Variants in CTNNA1 observed in about 807,000 individuals in gnomAD.
CTNNA1 encodes catenin alpha-1.
In CTNNA1, 37 loss-of-function variants were observed where a neutral mutation model predicts 98.4. That is an observed-to-expected ratio of 0.38 (90% confidence interval 0.29 to 0.49). The LOEUF (loss-of-function observed/expected upper bound fraction) is 0.49. Ranked by LOEUF, CTNNA1 falls within the 20% of genes least tolerant of loss-of-function variation. The probability of loss-of-function intolerance (pLI) is 0.95; values close to 1 mark genes in which losing one functional copy is unlikely to be tolerated. For synonymous variants in CTNNA1, 404 were observed against 413.2 expected (o/e 0.98, Z 0.27); for missense variants, 761 against 1,147.2 (o/e 0.66, Z 4.86).
chr5:138,925,520 GAATCTA>G, intron 13 of CTNNA1, 113 bp downstream of exon 13: 1 of 1,384,238 alleles, frequency 7.2e-7, no homozygotes, highest in Non-Finnish European at 9.7e-7. Flanking sequence ...TTAAAACCAT[GAATCTA>G]AAAGCTGTTA....
Position 138,929,160 on chromosome 5 carries a change from C to G in CTNNA1, c.1900-86C>G, listed in dbSNP as rs189300624. 17 of 794,254 alleles carry G rather than the reference C, an allele frequency of 2.1e-5. No individual in the cohort carries two copies. In the African/African-American group the frequency reaches 2.7e-4, roughly 13 times the overall value. The allele number at this position is 794,254 out of a possible 1,614,324, so 49.2% of individuals were successfully genotyped here. On this transcript the variant is annotated intron_variant, in intron 13 of 17. Transcript: ENST00000302763. ...CATTAAAATCCAGAATTCTGGGCCTCCGTGCACCTGGCCAAGAGGCTCAGG... is the reference window on the plus strand; with the variant it reads ...CATTAAAATCCAGAATTCTGGGCCTGCGTGCACCTGGCCAAGAGGCTCAGG...
At chr5:138,916,764 TTTA>T (rs779455353) in intron 10 of CTNNA1, among the ~76,000 whole-genome samples, 18 of 144,714 alleles carry the variant, frequency 1.2e-4, no homozygotes, top group Non-Finnish European at 2.1e-4. Context: ...TTTATTTTTA[TTTA>T]TTATTTTATT....
At chr5:138,908,549 C>T (rs1338220820) in intron 10 of CTNNA1, among the ~76,000 whole-genome samples, 1 of 150,942 alleles carries the variant, frequency 6.6e-6, no homozygotes, top group Non-Finnish European at 1.5e-5. Flanking sequence ...CTTGTAGTCC[C>T]AGCTACTCAG....
At position 138,852,081 on chromosome 5, in the gene CTNNA1, A is replaced by AAAAT. The variant is rs1271197373; in HGVS notation, c.1062+24381_1062+24384dup. The stretch of plus-strand genomic sequence containing the variant: ...GCGAAGCTCCATCTCAAAAAAATAA[A>AAAAT]AAATAAATAAATAAATAAATATATA... On this transcript the variant is annotated intron_variant, in intron 7 of 17. Coordinates refer to ENST00000302763, the MANE Select transcript of CTNNA1 (RefSeq NM_001903.5). Among the ~76,000 whole-genome samples the AAAAT allele has an allele frequency of 9.0e-4, 137 of 152,286 alleles. 2 individuals are homozygous for AAAAT. Among genetic ancestry groups the AAAAT allele is most frequent in the African/African-American group, 7.0e-4 (29 of 41,570 alleles).
At chr5:138,797,581 G>A (rs991879039) in intron 3 of CTNNA1, among the ~76,000 whole-genome samples, 5 of 152,142 alleles carry the variant, frequency 3.3e-5, no homozygotes, top group African/African-American at 4.8e-5. Flanking sequence ...AAAGGTTCTG[G>A]TGAAGAAGCT....
At chr5:138,835,014 T>C (rs1761640361) in intron 7 of CTNNA1, among the ~76,000 whole-genome samples, 1 of 151,898 alleles carries the variant, frequency 6.6e-6, no homozygotes, top group South Asian at 2.1e-4. Flanking sequence ...TATTGCAGAG[T>C]ACCTTCTTAA....
chr5:138,879,352 G>A (rs1319485193), intron 7 of CTNNA1, among the ~76,000 whole-genome samples: 5 of 151,956 alleles, frequency 3.3e-5, no homozygotes, highest in Non-Finnish European at 7.4e-5. Context: ...TTTTTTGAAA[G>A]AGAAGGGAAT....
intron 1 of CTNNA1, among the ~76,000 whole-genome samples, chr5:138,776,039 CTTTTTTTTTT>C (rs57467422): frequency 3.1e-4 from 26 of 83,886 alleles, no homozygotes; most frequent in East Asian, 7.5e-4. Flanking sequence ...GGAAATGTTT[CTTTTTTTTTT>C]TTTTTTTTTT....
chr5:138,927,713 TGAA>T (rs1764424208), intron 13 of CTNNA1, among the ~76,000 whole-genome samples: 1 of 79,266 alleles, frequency 1.3e-5, no homozygotes, highest in Non-Finnish European at 3.1e-5. Flanking sequence ...AGAGAGATAA[TGAA>T]TGAATGAATG....
At chr5:138,892,541 T>C (rs1370646604) in intron 9 of CTNNA1, among the ~76,000 whole-genome samples, 4 of 151,470 alleles carry the variant, frequency 2.6e-5, no homozygotes, top group African/African-American at 9.7e-5. Flanking sequence ...TTTCAGCATG[T>C]TGGCCAGGCT....
chr5:138,928,464 C>T (rs983317833), intron 13 of CTNNA1, among the ~76,000 whole-genome samples: 1 of 152,170 alleles, frequency 6.6e-6, no homozygotes, highest in Admixed American at 6.5e-5. Context: ...AGCCTTGGTA[C>T]CCTAACAGAA....
At chr5:138,920,637 C>T (rs923808499) in intron 11 of CTNNA1, among the ~76,000 whole-genome samples, 5 of 152,180 alleles carry the variant, frequency 3.3e-5, no homozygotes, top group Non-Finnish European at 7.3e-5. Flanking sequence ...GGGCTTGAGG[C>T]CCTTTGGTAC....
At chr5:138,823,749 A>C (rs1307634196) in intron 5 of CTNNA1, among the ~76,000 whole-genome samples, 1 of 151,894 alleles carries the variant, frequency 6.6e-6, no homozygotes, top group Non-Finnish European at 1.5e-5. Context: ...CGAGGTCAGG[A>C]GATCGAGGCC....
rs777155637 is a variant in CTNNA1, at chr5:138,810,218, C to T, written c.468+14C>T. ...CAGCTGAAAGTTGTAAGTATACAGG[C>T]CTATGTCTGTAATTTGTTCTATCAC... On this transcript the variant is annotated intron_variant, in intron 4 of 17. Coordinates refer to ENST00000302763, the MANE Select transcript of CTNNA1 (RefSeq NM_001903.5). The T allele has an allele frequency of 9.4e-6, 15 of 1,604,088 alleles. No individual in the cohort carries two copies. The East Asian group carries it at 1.3e-4, about 14-fold the overall frequency.
intron 13 of CTNNA1, among the ~76,000 whole-genome samples, chr5:138,927,941 G>A (rs188688953): frequency 2.6e-5 from 4 of 152,124 alleles, no homozygotes; most frequent in Admixed American, 2.0e-4. Context: ...CGAGTCCATC[G>A]GCCTCCAGGA....
intron 13 of CTNNA1, among the ~76,000 whole-genome samples, chr5:138,927,602 T>G (rs1764377345): frequency 6.6e-6 from 1 of 152,200 alleles, no homozygotes; most frequent in Non-Finnish European, 1.5e-5. Flanking sequence ...GTCATATAAT[T>G]CATTTGCTTA....
intron 12 of CTNNA1, 117 bp downstream of exon 12, chr5:138,924,827 C>T (rs1232824224): frequency 2.2e-6 from 2 of 913,068 alleles, no homozygotes; most frequent in African/African-American, 3.3e-5. Flanking sequence ...GATTTGGTCT[C>T]ATGGCACATC....
At chr5:138,894,280 TC>T (rs1369357907) in intron 9 of CTNNA1, among the ~76,000 whole-genome samples, 1 of 74,468 alleles carries the variant, frequency 1.3e-5, no homozygotes, top group Non-Finnish European at 2.7e-5. Flanking sequence ...CTTTTCTTTC[TC>T]TTTTTTTTTT....
chr5:138,879,227 G>T (rs991060471), intron 7 of CTNNA1, among the ~76,000 whole-genome samples: 4 of 145,896 alleles, frequency 2.7e-5, no homozygotes, highest in Non-Finnish European at 4.5e-5. Context: ...CCTAGATGTT[G>T]TGTGTCTTAT....
Sources: allele counts gnomAD v4.1 joint callset (sites outside exome capture counted in the v4.1 genomes callset), GRCh38; gene constraint gnomAD v4.1.1; transcripts MANE v1.5; gene names NCBI Gene and HGNC (gene_info 2026-07-23, HGNC 2026-07-21).